The following SUSD1 variants were observed in gnomAD, a reference collection of about 807,000 sequenced individuals.
The protein encoded by SUSD1 is sushi domain-containing protein 1.
A neutral mutation model predicts 86.9 loss-of-function variants in SUSD1; 65 were observed. The observed-to-expected ratio is 0.75, with a 90% confidence interval of 0.61 to 0.92. SUSD1 has a LOEUF of 0.92. Among genes scored for constraint, SUSD1 ranks in the 40% least tolerant of loss-of-function variants. The pLI is 0.00. For missense variants in SUSD1, 850 were observed against 929.7 expected (o/e 0.91, Z 1.11); for synonymous variants, 346 against 350.0 (o/e 0.99, Z 0.13).
chr9:112,161,106 G>C lies in SUSD1; in HGVS notation c.104-3493C>G, dbSNP rs1016724286. ...ATAATGACATGCAGGGCCAGGCACG[G>C]TGGCTCATGCCTATAAATCCCAGCA... On this transcript the variant is annotated intron_variant, in intron 1 of 16. Transcript: ENST00000374270. Among the ~76,000 whole-genome samples the C allele has an allele frequency of 2.6e-5, 4 of 152,200 alleles. No individual in the cohort carries two copies. The East Asian group carries it at 7.7e-4, about 29-fold the overall frequency.
chr9:112,098,961 T>C (rs968844282), intron 9 of SUSD1, among the ~76,000 whole-genome samples: 6 of 152,052 alleles, frequency 3.9e-5, no homozygotes, highest in African/African-American at 1.4e-4. Flanking sequence ...AGAGATTACA[T>C]TGGAGCTAAT....
At chr9:112,066,434 G>A (rs546479572) in intron 12 of SUSD1, among the ~76,000 whole-genome samples, 1 of 152,312 alleles carries the variant, frequency 6.6e-6, no homozygotes, top group South Asian at 2.1e-4. Flanking sequence ...ACTGTGACTT[G>A]TAATATAGAA....
intron 5 of SUSD1, among the ~76,000 whole-genome samples, chr9:112,127,452 C>T (rs1299450985): frequency 6.6e-6 from 1 of 152,100 alleles, no homozygotes; most frequent in African/African-American, 2.4e-5. Context: ...CTCTCCTCTG[C>T]TTTTGCACTC....
At chr9:112,111,041 T>A (rs969823825) in intron 8 of SUSD1, among the ~76,000 whole-genome samples, 6 of 152,016 alleles carry the variant, frequency 3.9e-5, no homozygotes, top group Non-Finnish European at 7.4e-5. Context: ...CAGGCAGGAG[T>A]GCAGTGGTGC....
chr9:112,174,642 T>C (rs761992369), intron 1 of SUSD1, among the ~76,000 whole-genome samples: 20 of 152,234 alleles, frequency 1.3e-4, no homozygotes, highest in Non-Finnish European at 2.8e-4. Flanking sequence ...CTTACGCGTC[T>C]TTCTCACCAT....
At chr9:112,057,896 A>C (rs924911511) in intron 14 of SUSD1, among the ~76,000 whole-genome samples, 17 of 152,188 alleles carry the variant, frequency 1.1e-4, no homozygotes, top group African/African-American at 4.1e-4. Flanking sequence ...ATGCAGCTCC[A>C]TGATGTTTCC....
chr9:112,161,428 C>T (rs1833564575), intron 1 of SUSD1, among the ~76,000 whole-genome samples: 1 of 151,062 alleles, frequency 6.6e-6, no homozygotes, highest in Non-Finnish European at 1.5e-5. Flanking sequence ...CTTGGAAATA[C>T]TTTCTAAATA....
At chr9:112,170,513 C>A (rs995336734) in intron 1 of SUSD1, among the ~76,000 whole-genome samples, 1 of 152,042 alleles carries the variant, frequency 6.6e-6, no homozygotes, top group Non-Finnish European at 1.5e-5. Context: ...CCCCACCCAG[C>A]CACCAACACC....
intron 13 of SUSD1, among the ~76,000 whole-genome samples, chr9:112,060,811 G>A (rs1828688017): frequency 6.6e-6 from 1 of 152,190 alleles, no homozygotes; most frequent in African/African-American, 2.4e-5. Flanking sequence ...AAATGTTGCA[G>A]CACCTCCATG....
chr9:112,164,260 C>A (rs957948200), intron 1 of SUSD1, among the ~76,000 whole-genome samples: 1 of 152,098 alleles, frequency 6.6e-6, no homozygotes, highest in Non-Finnish European at 1.5e-5. Context: ...AGGAAGGCAG[C>A]CAGGTATAGG....
At chr9:112,100,174 C>T (rs1000726464) in intron 9 of SUSD1, among the ~76,000 whole-genome samples, 1 of 152,088 alleles carries the variant, frequency 6.6e-6, no homozygotes, top group Non-Finnish European at 1.5e-5. Context: ...CACAAATTAA[C>T]CTTTATCTAA....
chr9:112,155,889 G>C (rs1833281005), intron 2 of SUSD1, among the ~76,000 whole-genome samples: 1 of 150,720 alleles, frequency 6.6e-6, no homozygotes, highest in African/African-American at 2.4e-5. Context: ...GAGAAGGAGA[G>C]AGGGAGAAGG....
chr9:112,092,738 A>G (rs1031033236), intron 10 of SUSD1, among the ~76,000 whole-genome samples: 31 of 152,222 alleles, frequency 2.0e-4, no homozygotes, highest in African/African-American at 6.8e-4. Context: ...AAAATTCTAC[A>G]TTTAATAACA....
chr9:112,140,475 G>A (rs1324356296), intron 5 of SUSD1, among the ~76,000 whole-genome samples: 7 of 150,634 alleles, frequency 4.6e-5, no homozygotes, highest in Non-Finnish European at 1.0e-4. Context: ...AGGAGCACCA[G>A]TGCACTCGAG....
At chr9:112,096,188 T>C (rs1327140393) in intron 10 of SUSD1, among the ~76,000 whole-genome samples, 1 of 152,200 alleles carries the variant, frequency 6.6e-6, no homozygotes, top group Non-Finnish European at 1.5e-5. Context: ...AACAGGCTTC[T>C]TTCTGAACCT....
chr9:112,098,002 C>G (rs1384540361), intron 10 of SUSD1, among the ~76,000 whole-genome samples: 1 of 152,166 alleles, frequency 6.6e-6, no homozygotes, highest in Non-Finnish European at 1.5e-5. Context: ...TTCTAAGGAG[C>G]CTGACCTTAA....
chr9:112,044,470 A>T (rs1181724947), intron 15 of SUSD1, among the ~76,000 whole-genome samples: 1 of 152,248 alleles, frequency 6.6e-6, no homozygotes. Context: ...GTACAGGTTG[A>T]AACAGTGCCT....
At position 112,133,746 on chromosome 9, in the gene SUSD1, C is replaced by G. The variant is rs148692208; in HGVS notation, c.706+8574G>C. Reference sequence around the variant, plus strand: ...CTAATTAAACTAAGGAGCCTCTGTACAGCAAAAGAAACTATCAACAAAGGA... The same window carrying G: ...CTAATTAAACTAAGGAGCCTCTGTAGAGCAAAAGAAACTATCAACAAAGGA... On this transcript the variant is annotated intron_variant, in intron 5 of 16. Transcript: ENST00000374270. Among the ~76,000 whole-genome samples the G allele has an allele frequency of 5.2e-3, 791 of 152,252 alleles. 10 individuals carry two copies. Among genetic ancestry groups the G allele is most frequent in the African/African-American group, 0.018 (762 of 41,524 alleles).
chr9:112,079,386 A>T (rs1405183305), intron 11 of SUSD1, among the ~76,000 whole-genome samples: 1 of 152,166 alleles, frequency 6.6e-6, no homozygotes, highest in Non-Finnish European at 1.5e-5. Flanking sequence ...GGACAAGAAC[A>T]TTTTCCTAGA....
Sources: gnomAD v4.1 joint callset for allele counts (sites outside exome capture counted in the v4.1 genomes callset) on GRCh38, gnomAD v4.1.1 for gene constraint, MANE v1.5 for transcripts, NCBI Gene and HGNC (gene_info 2026-07-23, HGNC 2026-07-21) for gene names.